CDKN2B: variants seen among roughly 807,000 people sequenced by gnomAD.
The protein encoded by CDKN2B is cyclin dependent kinase inhibitor 2B, also known as cyclin-dependent kinase 4 inhibitor B.
CDKN2B carries 8 observed loss-of-function variants against 7.7 expected under a neutral mutation model. The ratio of observed to expected loss-of-function variants is 1.04; its 90% CI spans 0.61 to 1.87. The LOEUF (loss-of-function observed/expected upper bound fraction) is 1.87. Among genes scored for constraint, CDKN2B ranks in the 40% most tolerant of loss-of-function variants. The pLI is 0.00. For synonymous variants in CDKN2B, 93 were observed against 95.8 expected (o/e 0.97, Z 0.17); for missense variants, 244 against 213.1 (o/e 1.15, Z -0.90).
chr9:22,004,710 T>C lies in CDKN2B; in HGVS notation c.*1277A>G, dbSNP rs1025361949. 1 of 232,956 alleles carries C rather than the reference T, an allele frequency of 4.3e-6. No homozygotes were observed. The highest frequency in any genetic ancestry group is 8.5e-6 in the Non-Finnish European group (1 of 117,882). 14.4% of individuals were successfully genotyped at this position (232,956 alleles called of 1,614,324 possible). A position where few individuals can be genotyped will look rare whatever the true frequency, so the allele number is the denominator to read the frequency against. ...GTAGGACATCCCACGAGCCATCATA[T>C]ATTTTCAAGTTTTTATACTCAATCT... On this transcript the variant is annotated 3_prime_UTR_variant, in exon 2 of 2. Coordinates refer to ENST00000276925, the MANE Select transcript of CDKN2B (RefSeq NM_004936.4).
At position 22,006,014 on chromosome 9, in the gene CDKN2B, C is replaced by T. The variant is rs759710557; in HGVS notation, c.390G>A (p.Gly130=). The stretch of plus-strand genomic sequence containing the variant: ...AGTCCCCCGTGGCTGTGCGCAGGTA[C>T]CCTGCAACGTCGCGGTGGCCCCGCT... ...AEERGHRDVA[G]YLRTATGD The change falls in exon 2 of 2, where the codon GGG becomes GGA. Residue 130 remains glycine (G), a synonymous_variant. Transcript: ENST00000276925. The surrounding 1 kb of genome is among the most constrained non-coding windows in gnomAD (Gnocchi z 6.4). The T allele has an allele frequency of 1.6e-4, 257 of 1,603,450 alleles. No individual in the cohort carries two copies. The highest frequency in any genetic ancestry group is 2.1e-4 in the Non-Finnish European group (251 of 1,179,708).
At position 22,008,847 on chromosome 9, in the gene CDKN2B, G is replaced by C. The variant is rs1821335183; in HGVS notation, c.107C>G (p.Ala36Gly). ...LVEKVRQLLE[A>G]GADPNGVNRF... ...GTTGACTCCGTTGGGATCCGCGCCGGCTTCCAGGAGCTGTCGCACCTTCTC... is the reference window on the plus strand; with the variant it reads ...GTTGACTCCGTTGGGATCCGCGCCGCCTTCCAGGAGCTGTCGCACCTTCTC... The change falls in exon 1 of 2, where the codon GCC becomes GGC. Residue 36 changes from alanine to glycine, a missense_variant. Coordinates refer to ENST00000276925, the MANE Select transcript of CDKN2B (RefSeq NM_004936.4). 1 of 1,609,968 alleles carries C rather than the reference G, an allele frequency of 6.2e-7. No individual in the cohort carries two copies. The highest frequency in any genetic ancestry group is 1.7e-5 in the Admixed American group (1 of 59,562).
At position 22,005,766 on chromosome 9, in the gene CDKN2B, G is replaced by GT; in HGVS notation, c.*220dup. On this transcript the variant is annotated 3_prime_UTR_variant, in exon 2 of 2. Transcript: ENST00000276925. This position sits in a 1 kb window ranked among gnomAD's most constrained non-coding sequence, Gnocchi z 4.9. The stretch of plus-strand genomic sequence containing the variant: ...TATCCCTGGAAATCCGCTTCTCTGT[G>GT]TTTCGCTTCATGGTGAGTGTCGAGG... 1 of 623,668 alleles carries GT rather than the reference G, an allele frequency of 1.6e-6. No individual in the cohort carries two copies. Among genetic ancestry groups the GT allele is most frequent in the East Asian group, 2.8e-5 (1 of 36,260 alleles). The allele number at this position is 623,668 out of a possible 1,614,324, so 38.6% of individuals were successfully genotyped here. A position where few individuals can be genotyped will look rare whatever the true frequency, so the allele number is the denominator to read the frequency against.
chr9:22,005,974 G>T lies in CDKN2B; in HGVS notation c.*13C>A. On this transcript the variant is annotated 3_prime_UTR_variant, in exon 2 of 2. Coordinates refer to ENST00000276925, the MANE Select transcript of CDKN2B (RefSeq NM_004936.4). The surrounding 1 kb of genome is among the most constrained non-coding windows in gnomAD (Gnocchi z 4.9). ...GAAAATAAAGTCGTTGTGGGCGGCT[G>T]GGGAACCTGGCGTCAGTCCCCCGTG... The T allele has an allele frequency of 6.2e-7, 1 of 1,600,450 alleles. No individual in the cohort carries two copies. The highest frequency in any genetic ancestry group is 8.5e-7 in the Non-Finnish European group (1 of 1,179,698).
rs766446762 is a variant in CDKN2B, at chr9:22,005,762, C to T, written c.*225G>A. ...TAAATATCCCTGGAAATCCGCTTCT[C>T]TGTGTTTCGCTTCATGGTGAGTGTC... On this transcript the variant is annotated 3_prime_UTR_variant, in exon 2 of 2. Coordinates refer to ENST00000276925, the MANE Select transcript of CDKN2B (RefSeq NM_004936.4). This position sits in a 1 kb window ranked among gnomAD's most constrained non-coding sequence, Gnocchi z 4.9. 1.1e-5 allele frequency: 7 copies of T among 619,712 alleles called. No homozygotes were observed. Among genetic ancestry groups the T allele is most frequent in the Non-Finnish European group, 2.0e-5 (7 of 352,634 alleles). 38.4% of individuals were successfully genotyped at this position (619,712 alleles called of 1,614,324 possible). A position where few individuals can be genotyped will look rare whatever the true frequency, so the allele number is the denominator to read the frequency against.
rs989080483 is a variant in CDKN2B, at chr9:22,005,516, G to T, written c.*471C>A. On this transcript the variant is annotated 3_prime_UTR_variant, in exon 2 of 2. Transcript: ENST00000276925. This position sits in a 1 kb window ranked among gnomAD's most constrained non-coding sequence, Gnocchi z 4.9. ...TCAGGTTTTCCTTTCTGCCGCTAGG[G>T]CCTAAGTTGTGGGTTCACCATAACT... 3.4e-6 allele frequency: 1 copy of T among 294,960 alleles called. No individual in the cohort carries two copies. The highest frequency in any genetic ancestry group is 6.4e-6 in the Non-Finnish European group (1 of 155,736). 18.3% of individuals were successfully genotyped at this position (294,960 alleles called of 1,614,324 possible).
At position 22,009,044 on chromosome 9, in the gene CDKN2B, G is replaced by C. The variant is rs150655569; in HGVS notation, c.-91C>G. 1.8e-4 allele frequency: 283 copies of C among 1,575,644 alleles called. 1 individual carries two copies. Among genetic ancestry groups the C allele is most frequent in the Admixed American group, 1.3e-3 (75 of 59,666 alleles). ...TTCCCTTCTTTCCCACGCTGCTCCG[G>C]CGCACTCTCTCCTTCCTAGGAGACC... is the stretch of plus-strand genomic sequence containing the variant. On this transcript the variant is annotated 5_prime_UTR_variant, in exon 1 of 2. Coordinates refer to ENST00000276925, the MANE Select transcript of CDKN2B (RefSeq NM_004936.4).
Position 22,003,779 on chromosome 9 carries a change from A to G in CDKN2B, c.*2208T>C, listed in dbSNP as rs1164845783. 3 of 232,112 alleles carry G rather than the reference A, an allele frequency of 1.3e-5. No individual in the cohort carries two copies. Among genetic ancestry groups the G allele is most frequent in the Non-Finnish European group, 2.6e-5 (3 of 117,440 alleles). 14.4% of individuals were successfully genotyped at this position (232,112 alleles called of 1,614,324 possible). On this transcript the variant is annotated 3_prime_UTR_variant, in exon 2 of 2. Coordinates refer to ENST00000276925, the MANE Select transcript of CDKN2B (RefSeq NM_004936.4). ...GGGGGTTATTCTCCATATTGTTGAC[A>G]TTTTAAAATAGTTTTCAAACAAACC... is the stretch of plus-strand genomic sequence containing the variant.
At position 22,007,691 on chromosome 9, in the gene CDKN2B, TTA is replaced by T. The variant is rs1821261557; in HGVS notation, c.156+1105_156+1106del. Among the ~76,000 whole-genome samples, 5 of 152,276 alleles carry T rather than the reference TTA, an allele frequency of 3.3e-5. No individual in the cohort carries two copies. In the South Asian group the frequency reaches 1.0e-3, roughly 32 times the overall value. On this transcript the variant is annotated intron_variant, in intron 1 of 1. Coordinates refer to ENST00000276925, the MANE Select transcript of CDKN2B (RefSeq NM_004936.4). ...TTCATCTCTTAAAAACCGTGATAAG[TTA>T]TATCTACTAGTGATGTAAGGATATT...
rs1821090691 is a variant in CDKN2B, at chr9:22,004,934, C to G, written c.*1053G>C. The G allele has an allele frequency of 4.3e-6, 1 of 233,260 alleles. No individual in the cohort carries two copies. The highest frequency in any genetic ancestry group is 6.0e-5 in the East Asian group (1 of 16,592). The allele number at this position is 233,260 out of a possible 1,614,324, so 14.4% of individuals were successfully genotyped here. On this transcript the variant is annotated 3_prime_UTR_variant, in exon 2 of 2. Coordinates refer to ENST00000276925, the MANE Select transcript of CDKN2B (RefSeq NM_004936.4). ...AATCTAGGCGTTTGCACTGAGTTTG[C>G]AACAGTGCCATTGCTACATTTAAGA...
At position 22,009,214 on chromosome 9, in the gene CDKN2B, T is replaced by A; in HGVS notation, c.-261A>T. 2 of 594,108 alleles carry A rather than the reference T, an allele frequency of 3.4e-6. No individual in the cohort carries two copies. Among genetic ancestry groups the A allele is most frequent in the Non-Finnish European group, 6.0e-6 (2 of 334,948 alleles). The allele number at this position is 594,108 out of a possible 1,614,324, so 36.8% of individuals were successfully genotyped here. On this transcript the variant is annotated 5_prime_UTR_variant, in exon 1 of 2. Transcript: ENST00000276925. ...TGGATTGCTTCTGGGAAAAAGCGCCTAGCGCGGACGCAGCCGAGCTCAAAG... is the reference window on the plus strand; with the variant it reads ...TGGATTGCTTCTGGGAAAAAGCGCCAAGCGCGGACGCAGCCGAGCTCAAAG...
intron 1 of CDKN2B, chr9:22,008,567 A>G: frequency 8.5e-7 from 1 of 1,177,844 alleles, no homozygotes; most frequent in Non-Finnish European, 1.2e-6. Flanking sequence ...TCTGATCATG[A>G]GATGGCAGAA....
At position 22,003,730 on chromosome 9, in the gene CDKN2B, T is replaced by G. The variant is rs1821033739; in HGVS notation, c.*2257A>C. 1 of 231,936 alleles carries G rather than the reference T, an allele frequency of 4.3e-6. No individual in the cohort carries two copies. The highest frequency in any genetic ancestry group is 1.8e-4 in the South Asian group (1 of 5,520). The allele number at this position is 231,936 out of a possible 1,614,324, so 14.4% of individuals were successfully genotyped here. The stretch of plus-strand genomic sequence containing the variant: ...GTTCCATTATCTTTGTTCCAAAAAT[T>G]TGGGTTTTTATAGGTGTGTTGGGGG... On this transcript the variant is annotated 3_prime_UTR_variant, in exon 2 of 2. Transcript: ENST00000276925.
Position 22,002,995 on chromosome 9 carries a change from G to C in CDKN2B, c.*2992C>G, listed in dbSNP as rs930738752. The stretch of plus-strand genomic sequence containing the variant: ...TTGTACAAACCTTGGTAATGTCTTA[G>C]GTTTAGATACGAACTTAACAGGTAT... On this transcript the variant is annotated 3_prime_UTR_variant, in exon 2 of 2. Coordinates refer to ENST00000276925, the MANE Select transcript of CDKN2B (RefSeq NM_004936.4). 2 of 201,926 alleles carry C rather than the reference G, an allele frequency of 9.9e-6. No homozygotes were observed. The highest frequency in any genetic ancestry group is 1.5e-4 in the East Asian group (2 of 13,038). 12.5% of individuals were successfully genotyped at this position (201,926 alleles called of 1,614,324 possible).
intron 1 of CDKN2B, among the ~76,000 whole-genome samples, chr9:22,008,433 C>G (rs751219605): frequency 2.0e-5 from 3 of 152,170 alleles, no homozygotes; most frequent in Non-Finnish European, 2.9e-5. Flanking sequence ...TAAATCCAAT[C>G]TAGAATGCGT....
At position 22,009,001 on chromosome 9, in the gene CDKN2B, G is replaced by A. The variant is rs1323323917; in HGVS notation, c.-48C>T. ...CGGCCCGGATAATCCACCGTTGGCC[G>A]TAAACTTAACGACACTCTTCCCTTC... On this transcript the variant is annotated 5_prime_UTR_variant, in exon 1 of 2. In the 5' UTR this introduces an upstream ATG that the reference lacks. Coordinates refer to ENST00000276925, the MANE Select transcript of CDKN2B (RefSeq NM_004936.4). 1 of 1,612,690 alleles carries A rather than the reference G, an allele frequency of 6.2e-7. No homozygotes were observed. Among genetic ancestry groups the A allele is most frequent in the African/African-American group, 1.3e-5 (1 of 75,040 alleles).
Position 22,006,132 on chromosome 9 carries a change from C to A in CDKN2B, c.272G>T (p.Gly91Val). 1 of 1,611,360 alleles carries A rather than the reference C, an allele frequency of 6.2e-7. No individual in the cohort carries two copies. Residue 91 changes from glycine (G) to valine (V), a missense_variant, in exon 2 of 2, where the codon GGC (glycine) becomes GTC (valine). By Grantham distance (109) the Gly-to-Val change is moderately radical. Coordinates refer to ENST00000276925, the MANE Select transcript of CDKN2B (RefSeq NM_004936.4). This position sits in a 1 kb window ranked among gnomAD's most constrained non-coding sequence, Gnocchi z 6.4. ...CAGCACCACCAGCGTGTCCAGGAAG[C>A]CCTCCCGGGCAGCATCATGCACCGG... ...TRPVHDAARE[G>V]FLDTLVVLHR... is the part of the protein sequence containing the mutation.
In CDKN2B at chr9:22,005,989, A is replaced by G. The variant is rs1455548497; in HGVS notation, c.415T>C (p.Ter139ArgextTer71). 2 of 1,602,004 alleles carry G rather than the reference A, an allele frequency of 1.2e-6. No homozygotes were observed. Among genetic ancestry groups the G allele is most frequent in the Non-Finnish European group, 1.7e-6 (2 of 1,179,806 alleles). Residue 139 changes from the stop codon to arginine, a stop_lost, in exon 2 of 2, where the codon TGA (stop) becomes CGA (arginine). Transcript: ENST00000276925. This position sits in a 1 kb window ranked among gnomAD's most constrained non-coding sequence, Gnocchi z 4.9. ...AGYLRTATGD[*>R] The stretch of plus-strand genomic sequence containing the variant: ...GTGGGCGGCTGGGGAACCTGGCGTC[A>G]GTCCCCCGTGGCTGTGCGCAGGTAC...
chr9:22,004,208 C>A lies in CDKN2B; in HGVS notation c.*1779G>T, dbSNP rs546352392. On this transcript the variant is annotated 3_prime_UTR_variant, in exon 2 of 2. Coordinates refer to ENST00000276925, the MANE Select transcript of CDKN2B (RefSeq NM_004936.4). ...GCTCTGATTCTCAACTAACTTTCCC[C>A]AGTAATATGTTCATTTTGGGAATAG... The A allele has an allele frequency of 4.3e-6, 1 of 232,324 alleles. No homozygotes were observed. Among genetic ancestry groups the A allele is most frequent in the African/African-American group, 2.2e-5 (1 of 45,302 alleles). The allele number at this position is 232,324 out of a possible 1,614,324, so 14.4% of individuals were successfully genotyped here. A position where few individuals can be genotyped will look rare whatever the true frequency, so the allele number is the denominator to read the frequency against.
Sources: allele counts gnomAD v4.1 joint callset (sites outside exome capture counted in the v4.1 genomes callset), GRCh38; gene constraint gnomAD v4.1.1; non-coding constraint Gnocchi (gnomAD v3.1); transcripts MANE v1.5; gene names NCBI Gene and HGNC (gene_info 2026-07-23, HGNC 2026-07-21).